Variants in MAGI2 observed in about 807,000 individuals in gnomAD.
The protein encoded by MAGI2 is membrane associated guanylate kinase, WW and PDZ domain containing 2.
Under a neutral mutation model 133.3 loss-of-function variants are expected in MAGI2, and 35 were observed. The ratio of observed to expected loss-of-function variants is 0.26; its 90% confidence interval spans 0.20 to 0.35. The LOEUF is 0.35. MAGI2 is among the 10% of genes least tolerant of loss of function. The probability of loss-of-function intolerance (pLI) is 1.00; values close to 1 mark genes in which losing one functional copy is unlikely to be tolerated. For synonymous variants in MAGI2, 729 were observed against 710.6 expected, an observed-to-expected ratio of 1.03 and a Z score of -0.41; for missense variants, 1,636 against 1,863.4, an observed-to-expected ratio of 0.88 and a Z score of 2.25.
chr7:78,522,924 C>T (rs1234323342), intron 3 of MAGI2, among the ~76,000 whole-genome samples: 1 of 152,068 alleles, frequency 6.6e-6, no homozygotes, highest in African/African-American at 2.4e-5. Flanking sequence ...AGGATGAATA[C>T]AATAAAATCC....
intron 6 of MAGI2, among the ~76,000 whole-genome samples, chr7:78,428,494 A>T (rs1716368168): frequency 6.6e-6 from 1 of 152,232 alleles, no homozygotes; most frequent in Non-Finnish European, 1.5e-5. Flanking sequence ...AAAAATATTT[A>T]AAAATTGACA....
At chr7:79,272,377 A>G (rs1834940948) in intron 1 of MAGI2, among the ~76,000 whole-genome samples, 2 of 152,134 alleles carry the variant, frequency 1.3e-5, no homozygotes, top group Non-Finnish European at 2.9e-5. Flanking sequence ...TACAAGCTTC[A>G]GCTTGCGAAA....
chr7:78,600,926 A>G (rs319872), intron 3 of MAGI2, among the ~76,000 whole-genome samples: 57,505 of 152,042 alleles, frequency 0.38, 12,153 homozygotes, highest in African/African-American at 0.57. Context: ...TCAAAGGAGA[A>G]TGTGGGTTGG....
At chr7:79,275,792 T>C (rs1289029371) in intron 1 of MAGI2, among the ~76,000 whole-genome samples, 1 of 152,086 alleles carries the variant, frequency 6.6e-6, no homozygotes, top group African/African-American at 2.4e-5. Flanking sequence ...AAAAGGGCCC[T>C]TAAGAATGAT....
intron 2 of MAGI2, among the ~76,000 whole-genome samples, chr7:78,772,823 C>T (rs776242740): frequency 1.1e-4 from 16 of 152,150 alleles, no homozygotes; most frequent in Non-Finnish European, 1.8e-4. Flanking sequence ...AAAAGTAAGT[C>T]GGCTTAGGCA....
intron 2 of MAGI2, among the ~76,000 whole-genome samples, chr7:78,693,879 T>C (rs1019242169): frequency 6.6e-5 from 10 of 152,188 alleles, no homozygotes; most frequent in African/African-American, 2.4e-4. Flanking sequence ...CTGTCTGCTT[T>C]GTATTTCTTT....
chr7:78,987,833 TACAC>T (rs141353429), intron 2 of MAGI2, among the ~76,000 whole-genome samples: 228 of 151,134 alleles, frequency 1.5e-3, no homozygotes, highest in Admixed American at 2.4e-3. Flanking sequence ...TACGTTTTTA[TACAC>T]ACACACACAC....
At chr7:78,985,011 T>A (rs1448461376) in intron 2 of MAGI2, among the ~76,000 whole-genome samples, 2 of 147,768 alleles carry the variant, frequency 1.4e-5, no homozygotes, top group Non-Finnish European at 3.0e-5. Flanking sequence ...TTTTTTTTTT[T>A]ATTTAAATGA....
intron 1 of MAGI2, among the ~76,000 whole-genome samples, chr7:79,093,842 A>G (rs1261625688): frequency 3.3e-5 from 5 of 150,406 alleles, no homozygotes; most frequent in Non-Finnish European, 7.4e-5. Context: ...AGCTTCCCAA[A>G]TAGCTGGGAC....
intron 20 of MAGI2, among the ~76,000 whole-genome samples, chr7:78,121,981 A>T (rs1012945782): frequency 1.3e-4 from 20 of 152,208 alleles, no homozygotes; most frequent in Admixed American, 1.3e-3. Context: ...ATAGAAAGCA[A>T]ACCACAGAGA....
At chr7:79,020,918 G>T (rs1237517152) in intron 1 of MAGI2, among the ~76,000 whole-genome samples, 1 of 152,222 alleles carries the variant, frequency 6.6e-6, no homozygotes, top group African/African-American at 2.4e-5. Context: ...GGTTTCATTG[G>T]CTGGTTCCAA....
intron 2 of MAGI2, among the ~76,000 whole-genome samples, chr7:78,823,489 A>C (rs542356213): frequency 6.1e-4 from 91 of 148,296 alleles, no homozygotes; most frequent in African/African-American, 2.2e-3. Context: ...AGGCTGAGGC[A>C]GGAGAATGGC....
chr7:79,083,984 T>C (rs1816272800), intron 1 of MAGI2, among the ~76,000 whole-genome samples: 1 of 151,752 alleles, frequency 6.6e-6, no homozygotes. Context: ...AATCTTTTTA[T>C]ATCTTTGAGT....
At chr7:79,190,550 T>A (rs951387301) in intron 1 of MAGI2, among the ~76,000 whole-genome samples, 3 of 151,896 alleles carry the variant, frequency 2.0e-5, no homozygotes, top group Non-Finnish European at 2.9e-5. Context: ...GTTTTGTGAA[T>A]ATTTTCTCCT....
intron 1 of MAGI2, among the ~76,000 whole-genome samples, chr7:79,027,763 T>C (rs1810042545): frequency 6.6e-6 from 1 of 152,122 alleles, no homozygotes; most frequent in Non-Finnish European, 1.5e-5. Context: ...TAATAAATCA[T>C]AGCATCATTT....
At chr7:79,022,666 C>T (rs1449669263) in intron 1 of MAGI2, among the ~76,000 whole-genome samples, 4 of 138,016 alleles carry the variant, frequency 2.9e-5, no homozygotes, top group Non-Finnish European at 4.7e-5. Flanking sequence ...AAAAAAACCA[C>T]ATTCAGAAAT....
intron 1 of MAGI2, among the ~76,000 whole-genome samples, chr7:79,254,536 T>C (rs1014118405): frequency 6.6e-6 from 1 of 152,232 alleles, no homozygotes; most frequent in African/African-American, 2.4e-5. Flanking sequence ...CAATTTGATG[T>C]AAAGAGTAAC....
chr7:78,516,581 G>A (rs189069964), intron 4 of MAGI2, among the ~76,000 whole-genome samples: 1 of 152,242 alleles, frequency 6.6e-6, no homozygotes, highest in Non-Finnish European at 1.5e-5. Context: ...TTGAATTCCT[G>A]ACCTCAAGTG....
chr7:78,565,337 C>T (rs1487226612), intron 3 of MAGI2, among the ~76,000 whole-genome samples: 1 of 151,802 alleles, frequency 6.6e-6, no homozygotes, highest in East Asian at 1.9e-4. Flanking sequence ...TGGTGGCATG[C>T]TCCTGTAGTC....
Sources: gnomAD v4.1 joint callset for allele counts (sites outside exome capture counted in the v4.1 genomes callset) on GRCh38, gnomAD v4.1.1 for gene constraint, MANE v1.5 for transcripts, NCBI Gene and HGNC (gene_info 2026-07-23, HGNC 2026-07-21) for gene names.